RBFOX1: variants seen among roughly 807,000 people sequenced by gnomAD.
The protein encoded by RBFOX1 is RNA binding protein fox-1 homolog 1.
Under a neutral mutation model 57.7 loss-of-function variants are expected in RBFOX1, and 8 were observed. That is an observed-to-expected ratio of 0.14 (90% CI 0.08 to 0.25). RBFOX1 has a LOEUF of 0.25. RBFOX1 is among the 10% of genes least tolerant of loss of function. The pLI is 1.00. For missense variants in RBFOX1, 611 were observed against 548.5 expected, an observed-to-expected ratio of 1.11 and a Z score of -1.14; for synonymous variants, 326 against 222.4, an observed-to-expected ratio of 1.47 and a Z score of -4.15.
At chr16:6,272,408 A>G (rs779894120) in intron 1 of RBFOX1, among the ~76,000 whole-genome samples, 1 of 152,208 alleles carries the variant, frequency 6.6e-6, no homozygotes, top group Non-Finnish European at 1.5e-5. Flanking sequence ...ATTTTAACCA[A>G]ATACAACTTA....
intron 1 of RBFOX1, among the ~76,000 whole-genome samples, chr16:5,363,928 C>A (rs2065629880): frequency 6.6e-6 from 1 of 152,206 alleles, no homozygotes; most frequent in Admixed American, 6.5e-5. Flanking sequence ...CGCCTGGAAC[C>A]ACAACTCCAG....
intron 3 of RBFOX1, among the ~76,000 whole-genome samples, chr16:6,829,495 A>C (rs569003691): frequency 2.0e-5 from 3 of 150,960 alleles, no homozygotes; most frequent in South Asian, 4.3e-4. Context: ...AAAAAAAAAA[A>C]CAAAAAAACG....
intron 3 of RBFOX1, among the ~76,000 whole-genome samples, chr16:6,866,873 T>G (rs2060026120): frequency 6.6e-6 from 1 of 152,080 alleles, no homozygotes; most frequent in Non-Finnish European, 1.5e-5. Context: ...TTGTAACTTT[T>G]GCATGTGTAT....
intron 3 of RBFOX1, among the ~76,000 whole-genome samples, chr16:5,838,941 G>T (rs1317601228): frequency 6.6e-6 from 1 of 152,154 alleles, no homozygotes; most frequent in African/African-American, 2.4e-5. Context: ...TTCTCAGCTG[G>T]AGGAAAAGTT....
At chr16:5,896,800 C>T (rs2058174961) in intron 4 of RBFOX1, among the ~76,000 whole-genome samples, 1 of 152,002 alleles carries the variant, frequency 6.6e-6, no homozygotes, top group Non-Finnish European at 1.5e-5. Context: ...ATGTGGCATC[C>T]AGTGTTCTTG....
At chr16:6,817,961 A>G (rs960438763) in intron 3 of RBFOX1, among the ~76,000 whole-genome samples, 2 of 152,118 alleles carry the variant, frequency 1.3e-5, no homozygotes, top group Admixed American at 6.5e-5. Context: ...GAATGAGATG[A>G]TCTGGTTTTA....
intron 4 of RBFOX1, among the ~76,000 whole-genome samples, chr16:7,379,300 G>C (rs1380777909): frequency 6.6e-6 from 1 of 152,166 alleles, no homozygotes; most frequent in East Asian, 1.9e-4. Flanking sequence ...GTCCAAAAGA[G>C]TATCTTATTT....
intron 3 of RBFOX1, among the ~76,000 whole-genome samples, chr16:5,726,262 T>C (rs2052148307): frequency 6.6e-6 from 1 of 151,972 alleles, no homozygotes; most frequent in South Asian, 2.1e-4. Context: ...TATGGGACCG[T>C]TGTCTCCCTT....
chr16:5,899,709 C>A (rs568550383), intron 4 of RBFOX1, among the ~76,000 whole-genome samples: 1 of 152,284 alleles, frequency 6.6e-6, no homozygotes, highest in African/African-American at 2.4e-5. Flanking sequence ...TGCTGGGGGC[C>A]ATGGAAGATT....
At chr16:5,967,606 C>A (rs73518269) in intron 4 of RBFOX1, among the ~76,000 whole-genome samples, 2,052 of 152,250 alleles carry the variant, frequency 0.013, 52 homozygotes, top group African/African-American at 0.046. Context: ...ACACCATGGG[C>A]TCATACTGAT....
chr16:5,821,391 C>G (rs1054254738), intron 3 of RBFOX1, among the ~76,000 whole-genome samples: 2 of 147,632 alleles, frequency 1.4e-5, no homozygotes, highest in Non-Finnish European at 3.0e-5. Context: ...TAGCCTTTGA[C>G]TCCTGGACAT....
At chr16:6,569,989 G>T (rs77333649) in intron 2 of RBFOX1, among the ~76,000 whole-genome samples, 1 of 152,120 alleles carries the variant, frequency 6.6e-6, no homozygotes, top group East Asian at 1.9e-4. Flanking sequence ...AGAAGAAGTC[G>T]TTAGGAAACC....
chr16:6,713,511 C>T lies in RBFOX1; in HGVS notation c.-16+58861C>T, dbSNP rs190405595. 1.3e-3 allele frequency among the ~76,000 whole-genome samples: 191 copies of T among 152,182 alleles called. 1 individual carries two copies. In the South Asian group the frequency reaches 0.013, roughly 10 times the overall value. ...TAGGATGTTGAGGAGCATCCCTGGCCTCTACCCACTAGATGCAAGTAAAAC... is the reference window on the plus strand; with the variant it reads ...TAGGATGTTGAGGAGCATCCCTGGCTTCTACCCACTAGATGCAAGTAAAAC... On this transcript the variant is annotated intron_variant, in intron 3 of 15. Coordinates refer to ENST00000550418, the MANE Select transcript of RBFOX1 (RefSeq NM_018723.4).
chr16:5,919,189 A>G (rs1001940496), intron 4 of RBFOX1, among the ~76,000 whole-genome samples: 3 of 152,216 alleles, frequency 2.0e-5, no homozygotes, highest in Non-Finnish European at 1.5e-5. Context: ...ACTTCAGTGA[A>G]GGTCAGGCTG....
At chr16:6,702,198 C>G (rs951736948) in intron 3 of RBFOX1, among the ~76,000 whole-genome samples, 1 of 152,140 alleles carries the variant, frequency 6.6e-6, no homozygotes, top group African/African-American at 2.4e-5. Context: ...CAGACACCTC[C>G]CAGTAGACCC....
At chr16:6,928,266 T>G (rs563869717) in intron 3 of RBFOX1, among the ~76,000 whole-genome samples, 1 of 152,272 alleles carries the variant, frequency 6.6e-6, no homozygotes, top group African/African-American at 2.4e-5. Flanking sequence ...GCATCCAGAT[T>G]TTTAAAAGCT....
At position 6,738,068 on chromosome 16, in the gene RBFOX1, G is replaced by A. The variant is rs79994664; in HGVS notation, c.-16+83418G>A. On this transcript the variant is annotated intron_variant, in intron 3 of 15. Transcript: ENST00000550418. ...CAAAGGACTTGTCTCTTTTTTTTTT[G>A]CGGTAATTCTTAAAAAAAAAAAAAA... Among the ~76,000 whole-genome samples the A allele has an allele frequency of 5.9e-5, 8 of 136,024 alleles. No homozygotes were observed. The South Asian group carries it at 1.1e-3, about 19-fold the overall frequency. The allele number at this position is 136,024 out of a possible 152,430, so 89.2% of individuals were successfully genotyped here.
intron 1 of RBFOX1, among the ~76,000 whole-genome samples, chr16:6,084,571 A>G (rs1014182103): frequency 1.3e-5 from 2 of 152,120 alleles, no homozygotes; most frequent in Admixed American, 1.3e-4. Context: ...GAAGTATTTT[A>G]GCTTTCAAAA....
chr16:7,150,033 C>G (rs983696692), intron 4 of RBFOX1, among the ~76,000 whole-genome samples: 3 of 152,152 alleles, frequency 2.0e-5, no homozygotes, highest in Admixed American at 6.5e-5. Flanking sequence ...ACAGAGATTA[C>G]AACTCTTAGG....
Sources: gnomAD v4.1 joint callset for allele counts (sites outside exome capture counted in the v4.1 genomes callset) on GRCh38, gnomAD v4.1.1 for gene constraint, MANE v1.5 for transcripts, NCBI Gene and HGNC (gene_info 2026-07-23, HGNC 2026-07-21) for gene names.